Variants in SRFBP1 observed in about 807,000 individuals in gnomAD.
The protein encoded by SRFBP1 is serum response factor binding protein 1.
A neutral mutation model predicts 45.5 loss-of-function variants in SRFBP1; 47 were observed. The observed-to-expected ratio is 1.03, with a 90% CI of 0.82 to 1.32. The LOEUF (loss-of-function observed/expected upper bound fraction) is 1.32. Among genes scored for constraint, SRFBP1 ranks in the 40% most tolerant of loss-of-function variants. SRFBP1 has a pLI of 0.00. For missense variants in SRFBP1, 621 were observed against 484.6 expected (o/e 1.28, Z -2.64); for synonymous variants, 203 against 166.3 (o/e 1.22, Z -1.70).
chr5:122,058,511 G>A (rs1754120564), intron 2 of SRFBP1, among the ~76,000 whole-genome samples: 2 of 149,830 alleles, frequency 1.3e-5, no homozygotes, highest in Admixed American at 1.3e-4. Flanking sequence ...CTTCATAGCT[G>A]TGAGAAGACA....
At chr5:122,024,808 G>A (rs17351902) in intron 7 of SRFBP1, among the ~76,000 whole-genome samples, 1 of 151,944 alleles carries the variant, frequency 6.6e-6, no homozygotes, top group African/African-American at 2.4e-5. Context: ...AGGGTTTTTT[G>A]TGCTTAGCTT....
chr5:121,984,860 G>C (rs1168072999), intron 3 of SRFBP1, among the ~76,000 whole-genome samples: 2 of 151,738 alleles, frequency 1.3e-5, no homozygotes, highest in Non-Finnish European at 3.0e-5. Flanking sequence ...TGTGACTTTA[G>C]ACCAGAAGCT....
intron 3 of SRFBP1, among the ~76,000 whole-genome samples, chr5:121,981,057 C>T (rs1752398077): frequency 6.6e-6 from 1 of 152,048 alleles, no homozygotes; most frequent in African/African-American, 2.4e-5. Flanking sequence ...TTGGTGGACC[C>T]TCCATCAGAG....
chr5:122,027,624 TA>T lies in SRFBP1; in HGVS notation c.*499del, dbSNP rs1753512006. ...GTTTCCTTAAACATAAATGTCAATA[TA>T]TATTTAAAATAATAATGGAAACATA... is the stretch of plus-strand genomic sequence containing the variant. On this transcript the variant is annotated 3_prime_UTR_variant, in exon 8 of 8. Transcript: ENST00000339397. 1 of 152,150 alleles carries T rather than the reference TA, an allele frequency of 6.6e-6. No homozygotes were observed. Among genetic ancestry groups the T allele is most frequent in the Non-Finnish European group, 1.5e-5 (1 of 68,030 alleles). 9.4% of individuals were successfully genotyped at this position (152,150 alleles called of 1,614,324 possible).
At chr5:122,038,266 C>T (rs956921865) in intron 2 of SRFBP1, among the ~76,000 whole-genome samples, 17 of 151,952 alleles carry the variant, frequency 1.1e-4, no homozygotes, top group East Asian at 5.8e-4. Flanking sequence ...GGGTGGGGGA[C>T]GGGGAAGGAG....
intron 3 of SRFBP1, among the ~76,000 whole-genome samples, chr5:121,979,995 C>A (rs1554084939): frequency 1.3e-5 from 2 of 152,106 alleles, no homozygotes; most frequent in Non-Finnish European, 2.9e-5. Flanking sequence ...AACAAAAACT[C>A]ATTATCCTAT....
chr5:122,046,464 G>A (rs1360264407), intron 2 of SRFBP1, among the ~76,000 whole-genome samples: 3 of 152,248 alleles, frequency 2.0e-5, no homozygotes, highest in African/African-American at 4.8e-5. Context: ...CATTTGGGTT[G>A]GTTCCAAGTC....
downstream of SRFBP1, among the ~76,000 whole-genome samples, chr5:122,030,518 A>G (rs1474879937): frequency 2.6e-5 from 4 of 151,964 alleles, no homozygotes; most frequent in East Asian, 3.9e-4. Context: ...TTGCAATGCT[A>G]TATTTGTTTC....
intron 2 of SRFBP1, among the ~76,000 whole-genome samples, chr5:122,039,784 G>C (rs988469106): frequency 4.6e-5 from 7 of 152,152 alleles, no homozygotes; most frequent in South Asian, 2.1e-4. Flanking sequence ...GAGTTTATCT[G>C]TTACTGTAGT....
At chr5:122,056,060 G>A (rs1754072472) in intron 2 of SRFBP1, among the ~76,000 whole-genome samples, 1 of 152,104 alleles carries the variant, frequency 6.6e-6, no homozygotes, top group African/African-American at 2.4e-5. Context: ...GAAAAAATTA[G>A]AGAACCTTTC....
At chr5:121,968,633 G>C (rs532329560) in intron 1 of SRFBP1, among the ~76,000 whole-genome samples, 2 of 152,156 alleles carry the variant, frequency 1.3e-5, no homozygotes, top group African/African-American at 4.8e-5. Flanking sequence ...GAATAATCTT[G>C]TGTGTAGCCT....
At chr5:122,029,140 AG>A (rs1477661686), downstream of SRFBP1, among the ~76,000 whole-genome samples, 5 of 149,580 alleles carry the variant, frequency 3.3e-5, no homozygotes, top group African/African-American at 1.2e-4. Flanking sequence ...TGGGGGTGGG[AG>A]GGGGCTACAT....
chr5:122,025,431 T>C (rs1011911395), intron 7 of SRFBP1, among the ~76,000 whole-genome samples: 2 of 152,306 alleles, frequency 1.3e-5, no homozygotes, highest in South Asian at 4.1e-4. Flanking sequence ...TACGTGTGCA[T>C]GTGTCTTTAT....
chr5:121,974,286 T>C lies in SRFBP1; in HGVS notation c.125+2T>C. ...TGTTGGCCGACTGAAGTCAAAAAAG[T>C]TAGTCATTTAAAGTAATGATCTTGT... On this transcript the variant is annotated splice_donor_variant, in intron 2 of 7. Transcript: ENST00000339397. LOFTEE classifies it high-confidence loss of function. The C allele has an allele frequency of 6.2e-7, 1 of 1,605,806 alleles. No homozygotes were observed. The highest frequency in any genetic ancestry group is 1.3e-5 in the African/African-American group (1 of 74,828).
chr5:121,989,839 C>G (rs1322408929), intron 3 of SRFBP1, among the ~76,000 whole-genome samples: 1 of 152,138 alleles, frequency 6.6e-6, no homozygotes, highest in Non-Finnish European at 1.5e-5. Flanking sequence ...GCAGTAAGTA[C>G]TCTTCTTTGG....
chr5:122,059,451 C>T (rs1317204237), intron 2 of SRFBP1, among the ~76,000 whole-genome samples: 1 of 152,054 alleles, frequency 6.6e-6, no homozygotes, highest in Non-Finnish European at 1.5e-5. Context: ...TTCTTGGACT[C>T]AGGTTTAGGA....
chr5:121,994,504 T>A lies in SRFBP1; in HGVS notation c.199-95T>A. 3 of 746,308 alleles carry A rather than the reference T, an allele frequency of 4.0e-6. No homozygotes were observed. In the South Asian group the frequency reaches 5.5e-5, roughly 14 times the overall value. 46.2% of individuals were successfully genotyped at this position (746,308 alleles called of 1,614,324 possible). On this transcript the variant is annotated intron_variant, in intron 3 of 7. Transcript: ENST00000339397. Reference sequence around the variant, plus strand: ...TTCTTTTCTCAAAATTAAGATGTTATTTAATATTAAGTTTCTTAAGATACG... The same window carrying A: ...TTCTTTTCTCAAAATTAAGATGTTAATTAATATTAAGTTTCTTAAGATACG...
chr5:122,040,250 A>G (rs992952637), intron 2 of SRFBP1, among the ~76,000 whole-genome samples: 1 of 152,210 alleles, frequency 6.6e-6, no homozygotes, highest in Middle Eastern at 3.4e-3. Context: ...TGGATTTGCC[A>G]GTGTGAATTG....
chr5:121,980,581 G>A (rs1053329987), intron 3 of SRFBP1, among the ~76,000 whole-genome samples: 2 of 152,114 alleles, frequency 1.3e-5, no homozygotes, highest in African/African-American at 4.8e-5. Flanking sequence ...CAAGGATAGT[G>A]ATAATAGCCA....
Sources: allele counts gnomAD v4.1 joint callset (sites outside exome capture counted in the v4.1 genomes callset), GRCh38; gene constraint gnomAD v4.1.1; transcripts MANE v1.5; gene names NCBI Gene and HGNC (gene_info 2026-07-23, HGNC 2026-07-21).